Variants in POLA1 observed in about 807,000 individuals in gnomAD.
POLA1 encodes the protein DNA polymerase alpha catalytic subunit.
In POLA1, 15 loss-of-function variants were observed where a neutral mutation model predicts 124.0. The ratio of observed to expected loss-of-function variants is 0.12; its 90% confidence interval spans 0.08 to 0.19. The LOEUF (loss-of-function observed/expected upper bound fraction) is 0.19. Among genes scored for constraint, POLA1 ranks in the 10% least tolerant of loss-of-function variants. The pLI is 1.00. For synonymous variants in POLA1, 408 were observed against 389.4 expected (o/e 1.05, Z -0.56); for missense variants, 886 against 1,103.4 (o/e 0.80, Z 2.79).
At chrX:24,854,658 G>T (rs1304192139) in intron 34 of POLA1, among the ~76,000 whole-genome samples, 5 of 110,200 alleles carry the variant, frequency 4.5e-5, no homozygotes, top group African/African-American at 6.6e-5. Flanking sequence ...GGCGAAACCT[G>T]TCTCTACTAA....
intron 30 of POLA1, among the ~76,000 whole-genome samples, chrX:24,816,880 A>G (rs2045997420): frequency 8.9e-6 from 1 of 112,125 alleles, no homozygotes; most frequent in South Asian, 3.7e-4. Flanking sequence ...TTAGAGTCAT[A>G]GGTATACTGA....
chrX:24,694,286 C>T (rs1007937294), intron 1 of POLA1, among the ~76,000 whole-genome samples: 1 of 112,512 alleles, frequency 8.9e-6, no homozygotes. Context: ...GTTGCACCCA[C>T]GTGCTGGGTA....
chrX:24,765,304 G>GTT (rs779696573), intron 26 of POLA1, among the ~76,000 whole-genome samples: 85 of 89,749 alleles, frequency 9.5e-4, no homozygotes, highest in Non-Finnish European at 1.7e-3. Context: ...TTTTTTTTTT[G>GTT]TTTTTTTTTT....
chrX:24,709,056 G>T (rs1268365383), intron 4 of POLA1, among the ~76,000 whole-genome samples: 2 of 90,203 alleles, frequency 2.2e-5, no homozygotes, highest in African/African-American at 7.6e-5. Context: ...GCGGCTGGCC[G>T]GGCGGGGGGC....
At chrX:24,821,345 T>C in intron 30 of POLA1, 107 bp from the exon 31 acceptor site, 1 of 562,660 alleles carries the variant, frequency 1.8e-6, no homozygotes, top group South Asian at 6.6e-5. Context: ...TCTGTCATTT[T>C]TTATGTTTAT....
chrX:24,907,025 T>C (rs2047378057), intron 35 of POLA1, among the ~76,000 whole-genome samples: 4 of 111,217 alleles, frequency 3.6e-5, no homozygotes. Context: ...CCATCTGTAC[T>C]AGAAATTTTT....
At chrX:24,698,746 C>A (rs770550492) in intron 1 of POLA1, among the ~76,000 whole-genome samples, 158 of 111,386 alleles carry the variant, frequency 1.4e-3, no homozygotes, top group African/African-American at 5.0e-3. Flanking sequence ...CTCCGCCTCC[C>A]GGGTTCAAGT....
At chrX:24,773,522 T>G (rs1314596616) in intron 26 of POLA1, among the ~76,000 whole-genome samples, 1 of 112,113 alleles carries the variant, frequency 8.9e-6, no homozygotes, top group Non-Finnish European at 1.9e-5. Flanking sequence ...CTGTGTGGCT[T>G]TGGGCAGAGT....
chrX:24,722,070 G>A (rs924874421), intron 10 of POLA1, among the ~76,000 whole-genome samples: 17 of 111,172 alleles, frequency 1.5e-4, no homozygotes, highest in African/African-American at 5.2e-4. Flanking sequence ...TTCTTAGATC[G>A]TCTTATTTCT....
At chrX:24,728,797 A>C (rs1055745930) in intron 15 of POLA1, among the ~76,000 whole-genome samples, 5 of 112,019 alleles carry the variant, frequency 4.5e-5, no homozygotes, top group African/African-American at 1.6e-4. Flanking sequence ...CTGCTTTTGC[A>C]CTATGACAGC....
At chrX:24,955,505 G>GC (rs2048096998) in intron 36 of POLA1, among the ~76,000 whole-genome samples, 1 of 111,142 alleles carries the variant, frequency 9.0e-6, no homozygotes, top group Admixed American at 9.6e-5. Flanking sequence ...CACAGTTTCT[G>GC]CCCTCAAGAA....
intron 26 of POLA1, among the ~76,000 whole-genome samples, chrX:24,761,142 ATTC>A (rs1384643899): frequency 1.8e-5 from 2 of 112,432 alleles, no homozygotes; most frequent in African/African-American, 6.5e-5. Context: ...CATCTTTGGA[ATTC>A]TTCTAATTAC....
At chrX:24,781,809 G>A (rs920213997) in intron 26 of POLA1, among the ~76,000 whole-genome samples, 1 of 111,516 alleles carries the variant, frequency 9.0e-6, no homozygotes, top group Non-Finnish European at 1.9e-5. Flanking sequence ...ATTATCATTA[G>A]GTCATATTAA....
chrX:24,741,130 TGTGTGTGTGTGTGTGTGCGCGC>T (rs1931616917), intron 20 of POLA1, among the ~76,000 whole-genome samples: 1 of 80,780 alleles, frequency 1.2e-5, no homozygotes, highest in Non-Finnish European at 2.7e-5. Flanking sequence ...TGTGTGTGTG[TGTGTGTGTGTGTGTGTGCGCGC>T]GTGTGTGTGT....
At chrX:24,861,281 T>G (rs1015952520) in intron 34 of POLA1, among the ~76,000 whole-genome samples, 4 of 111,949 alleles carry the variant, frequency 3.6e-5, no homozygotes, top group African/African-American at 1.3e-4. Context: ...TACAGGCAGG[T>G]GCCACCATAC....
At chrX:24,839,027 G>A (rs1465749395) in intron 32 of POLA1, among the ~76,000 whole-genome samples, 6 of 111,974 alleles carry the variant, frequency 5.4e-5, no homozygotes, top group Non-Finnish European at 1.1e-4. Flanking sequence ...GATTCCAGCA[G>A]CAATGATCCT....
intron 36 of POLA1, among the ~76,000 whole-genome samples, chrX:24,945,578 A>T (rs1360246620): frequency 8.9e-6 from 1 of 112,030 alleles, no homozygotes; most frequent in African/African-American, 3.2e-5. Context: ...TACTTAATGG[A>T]AGAAGTTGAA....
rs756889284 is a variant in POLA1 at position 24,747,732 on chromosome X, C to CTT, written c.2692-560_2692-559dup. Among the ~76,000 whole-genome samples the CTT allele has an allele frequency of 7.4e-4, 67 of 90,454 alleles. 1 individual carries two copies. Among genetic ancestry groups the CTT allele is most frequent in the African/African-American group, 2.3e-3 (56 of 23,835 alleles). The allele number at this position is 90,454 out of a possible 115,157, so 78.5% of individuals were successfully genotyped here. On this transcript the variant is annotated intron_variant, in intron 24 of 36. Coordinates refer to ENST00000379068, the MANE Select transcript of POLA1 (RefSeq NM_001330360.2). The stretch of plus-strand genomic sequence containing the variant: ...AGATAGCATGTGTAAAAATGTATCC[C>CTT]TTTTTTTTTTTTTTTTTTTTAAGAC...
intron 5 of POLA1, 38 bp from the exon 6 acceptor site, chrX:24,715,103 C>T: frequency 9.9e-7 from 1 of 1,007,752 alleles, no homozygotes; most frequent in Non-Finnish European, 1.4e-6. Context: ...ATTTTAAGTG[C>T]AAGGCTTTCT....
Sources: gnomAD v4.1 joint callset for allele counts (sites outside exome capture counted in the v4.1 genomes callset) on GRCh38, gnomAD v4.1.1 for gene constraint, MANE v1.5 for transcripts, NCBI Gene and HGNC (gene_info 2026-07-23, HGNC 2026-07-21) for gene names.